OPCML: variants seen among roughly 807,000 people sequenced by gnomAD.
OPCML encodes opioid binding protein/cell adhesion molecule like.
A neutral mutation model predicts 37.8 loss-of-function variants in OPCML; 13 were observed. The ratio of observed to expected loss-of-function variants is 0.34; its 90% CI spans 0.22 to 0.55. The LOEUF (loss-of-function observed/expected upper bound fraction) is 0.55. Among genes scored for constraint, OPCML ranks in the 20% least tolerant of loss-of-function variants. The pLI is 0.91. For missense variants in OPCML, 341 were observed against 435.6 expected (o/e 0.78, Z 1.93); for synonymous variants, 176 against 168.8 (o/e 1.04, Z -0.33).
In OPCML at chr11:132,886,474, G is replaced by A. The variant is rs114801802; in HGVS notation, c.146+56452C>T. Among the ~76,000 whole-genome samples, 957 of 152,306 alleles carry A rather than the reference G, an allele frequency of 6.3e-3. 15 individuals are homozygous for A. The highest frequency in any genetic ancestry group is 0.022 in the African/African-American group (911 of 41,576). On this transcript the variant is annotated intron_variant, in intron 2 of 7. Transcript: ENST00000524381. Reference sequence around the variant, plus strand: ...ATTCCTTATCTGACACCTTGGCAGCGACCGTGAGAAGGACCAGCTCCAGCT... The same window carrying A: ...ATTCCTTATCTGACACCTTGGCAGCAACCGTGAGAAGGACCAGCTCCAGCT...
chr11:133,280,393 G>A (rs960499030), intron 1 of OPCML, among the ~76,000 whole-genome samples: 3 of 152,150 alleles, frequency 2.0e-5, no homozygotes. Context: ...CTCTGGCAGG[G>A]GAGAAAGTGG....
In OPCML at chr11:132,694,179, C is replaced by CTTTTTTTTTTT. The variant is rs1162305568; in HGVS notation, c.147-36871_147-36861dup. On this transcript the variant is annotated intron_variant, in intron 2 of 7. Coordinates refer to ENST00000524381, the MANE Select transcript of OPCML (RefSeq NM_001012393.5). ...GAGTTTCGTTCTGTGAAATCAATGT[C>CTTTTTTTTTTT]TTTTTTTTTTTTTTTTTTTTTTTTT... 1.6e-4 allele frequency among the ~76,000 whole-genome samples: 7 copies of CTTTTTTTTTTT among 43,014 alleles called. 1 individual carries two copies. The highest frequency in any genetic ancestry group is 5.4e-4 in the African/African-American group (6 of 11,032). The allele number at this position is 43,014 out of a possible 152,430, so 28.2% of individuals were successfully genotyped here.
chr11:133,163,595 G>A (rs1287986312), intron 1 of OPCML, among the ~76,000 whole-genome samples: 2 of 152,204 alleles, frequency 1.3e-5, no homozygotes, highest in Non-Finnish European at 2.9e-5. Flanking sequence ...AGTATATGGT[G>A]TATACCACAG....
chr11:132,753,899 G>A (rs932779952), intron 2 of OPCML, among the ~76,000 whole-genome samples: 3 of 152,216 alleles, frequency 2.0e-5, no homozygotes, highest in African/African-American at 7.2e-5. Context: ...CCTGGGATCT[G>A]TTACCATCAT....
At chr11:133,255,307 G>T (rs1263811873) in intron 1 of OPCML, among the ~76,000 whole-genome samples, 1 of 152,136 alleles carries the variant, frequency 6.6e-6, no homozygotes, top group African/African-American at 2.4e-5. Flanking sequence ...TTACAGGGAA[G>T]GTCAGGGCAT....
At chr11:132,873,715 CAA>C (rs34642015) in intron 2 of OPCML, among the ~76,000 whole-genome samples, 10,316 of 111,170 alleles carry the variant, frequency 0.093, 219 homozygotes, top group South Asian at 0.21. Context: ...CAGTTGGGCA[CAA>C]AAAAAAAAAA....
intron 1 of OPCML, among the ~76,000 whole-genome samples, chr11:133,514,258 C>T (rs142569726): frequency 6.6e-6 from 1 of 152,304 alleles, no homozygotes; most frequent in East Asian, 1.9e-4. Flanking sequence ...CACATGCCTT[C>T]TGCAGTGATT....
At chr11:133,293,120 A>G (rs1942526000) in intron 1 of OPCML, among the ~76,000 whole-genome samples, 1 of 152,122 alleles carries the variant, frequency 6.6e-6, no homozygotes, top group African/African-American at 2.4e-5. Context: ...TTTCTATGAC[A>G]TTTTGATTGT....
intron 1 of OPCML, among the ~76,000 whole-genome samples, chr11:133,022,400 G>A (rs531387100): frequency 3.9e-5 from 6 of 152,028 alleles, no homozygotes; most frequent in Admixed American, 1.3e-4. Flanking sequence ...CTGCAGTTTC[G>A]TTACATGGAT....
At chr11:133,329,802 C>A (rs1943573975) in intron 1 of OPCML, among the ~76,000 whole-genome samples, 1 of 152,104 alleles carries the variant, frequency 6.6e-6, no homozygotes, top group Non-Finnish European at 1.5e-5. Flanking sequence ...TCTAAAACAC[C>A]AAAAGCAATG....
At chr11:133,096,453 G>A (rs1373138010) in intron 1 of OPCML, among the ~76,000 whole-genome samples, 1 of 151,800 alleles carries the variant, frequency 6.6e-6, no homozygotes, top group Non-Finnish European at 1.5e-5. Flanking sequence ...AAGAAAAGGT[G>A]TGGAAGACAA....
At chr11:132,712,627 A>T (rs1490147984) in intron 2 of OPCML, among the ~76,000 whole-genome samples, 4 of 152,208 alleles carry the variant, frequency 2.6e-5, no homozygotes, top group Non-Finnish European at 4.4e-5. Context: ...GCGTGTCAAT[A>T]AAACTCTGAG....
At chr11:133,454,096 G>T (rs1479280678) in intron 1 of OPCML, among the ~76,000 whole-genome samples, 2 of 152,128 alleles carry the variant, frequency 1.3e-5, no homozygotes, top group Non-Finnish European at 2.9e-5. Context: ...CCTTAGAATT[G>T]CAGGAATTCA....
chr11:133,394,197 A>G (rs1029504010), intron 1 of OPCML, among the ~76,000 whole-genome samples: 1 of 152,334 alleles, frequency 6.6e-6, no homozygotes, highest in Non-Finnish European at 1.5e-5. Context: ...CAGAGCCAAC[A>G]TATTATAGTT....
chr11:132,975,273 A>T (rs940396072), intron 1 of OPCML, among the ~76,000 whole-genome samples: 2 of 152,092 alleles, frequency 1.3e-5, no homozygotes, highest in East Asian at 3.9e-4. Flanking sequence ...ATAAAAGAAT[A>T]ACAAATGATG....
At chr11:133,323,892 G>A (rs1943391669) in intron 1 of OPCML, among the ~76,000 whole-genome samples, 1 of 152,150 alleles carries the variant, frequency 6.6e-6, no homozygotes, top group Non-Finnish European at 1.5e-5. Flanking sequence ...AAGTTGGCTT[G>A]GTCTCTCCAA....
chr11:132,956,353 G>T (rs2136709101), intron 1 of OPCML, among the ~76,000 whole-genome samples: 1 of 152,278 alleles, frequency 6.6e-6, no homozygotes. Context: ...CAGAAACATT[G>T]CTTGTGATTT....
At chr11:133,315,368 G>A (rs1010553173) in intron 1 of OPCML, among the ~76,000 whole-genome samples, 1 of 151,830 alleles carries the variant, frequency 6.6e-6, no homozygotes, top group Non-Finnish European at 1.5e-5. Flanking sequence ...TTTATTTCTG[G>A]GGTGGAAATG....
chr11:133,349,098 A>G (rs1405777964), intron 1 of OPCML, among the ~76,000 whole-genome samples: 1 of 152,198 alleles, frequency 6.6e-6, no homozygotes, highest in Admixed American at 6.5e-5. Flanking sequence ...GGAGCCTTTA[A>G]GCAGTGCATG....
Sources: gnomAD v4.1 joint callset for allele counts (sites outside exome capture counted in the v4.1 genomes callset) on GRCh38, gnomAD v4.1.1 for gene constraint, MANE v1.5 for transcripts, NCBI Gene and HGNC (gene_info 2026-07-23, HGNC 2026-07-21) for gene names.